RFX3: variants seen among roughly 807,000 people sequenced by gnomAD.
RFX3 encodes the protein regulatory factor X3.
Under a neutral mutation model 98.6 loss-of-function variants are expected in RFX3, and 14 were observed. The ratio of observed to expected loss-of-function variants is 0.14; its 90% CI spans 0.09 to 0.22. The LOEUF is 0.22. Ranked by LOEUF, RFX3 falls within the 10% of genes least tolerant of loss-of-function variation. The probability of loss-of-function intolerance (pLI) is 1.00; values close to 1 mark genes in which losing one functional copy is unlikely to be tolerated. For synonymous variants in RFX3, 383 were observed against 328.4 expected (o/e 1.17, Z -1.80); for missense variants, 639 against 926.9 (o/e 0.69, Z 4.03).
At chr9:3,321,524 G>A (rs1831320507) in intron 4 of RFX3, among the ~76,000 whole-genome samples, 1 of 152,088 alleles carries the variant, frequency 6.6e-6, no homozygotes, top group Non-Finnish European at 1.5e-5. Flanking sequence ...TCATTGGACT[G>A]CCTGTTCTTG....
chr9:3,471,408 G>T (rs986329410), intron 1 of RFX3, among the ~76,000 whole-genome samples: 1 of 152,162 alleles, frequency 6.6e-6, no homozygotes, highest in African/African-American at 2.4e-5. Flanking sequence ...TCAAACAGAG[G>T]TCTCCTAATT....
chr9:3,322,345 T>C (rs1271536092), intron 4 of RFX3, among the ~76,000 whole-genome samples: 1 of 152,190 alleles, frequency 6.6e-6, no homozygotes, highest in Non-Finnish European at 1.5e-5. Flanking sequence ...TATTATTAGT[T>C]TGTTGCCAGG....
In RFX3 at chr9:3,293,256, G is replaced by T; in HGVS notation, c.552C>A (p.Leu184=). ...THRSSLLNSH[L]QWLLDNYETA... is the part of the protein sequence containing the mutation. The stretch of plus-strand genomic sequence containing the variant: ...TCTCATAATTGTCCAACAGCCACTG[G>T]AGCTAGGGAAATAAGACACAATAAA... The change falls in exon 6 of 17, where the codon CTC becomes CTA. Residue 184 remains leucine, a splice_region_variant and synonymous_variant. Transcript: ENST00000617270. 1 of 1,591,848 alleles carries T rather than the reference G, an allele frequency of 6.3e-7. No homozygotes were observed.
intron 3 of RFX3, among the ~76,000 whole-genome samples, chr9:3,346,310 A>G (rs558516113): frequency 1.3e-5 from 2 of 152,318 alleles, no homozygotes; most frequent in South Asian, 4.1e-4. Flanking sequence ...AATACATCAC[A>G]TAAAAATTGA....
intron 1 of RFX3, among the ~76,000 whole-genome samples, chr9:3,472,797 T>C (rs529826135): frequency 1.3e-5 from 2 of 152,340 alleles, no homozygotes; most frequent in South Asian, 4.1e-4. Context: ...GGACCAATAC[T>C]GCTGTTTTAT....
At chr9:3,265,224 A>C (rs1238151272) in intron 12 of RFX3, among the ~76,000 whole-genome samples, 1 of 152,200 alleles carries the variant, frequency 6.6e-6, no homozygotes, top group Non-Finnish European at 1.5e-5. Context: ...ATTTCACTTA[A>C]TTTAAAATTC....
chr9:3,411,175 G>T (rs1285898513), intron 1 of RFX3, among the ~76,000 whole-genome samples: 1 of 152,110 alleles, frequency 6.6e-6, no homozygotes, highest in African/African-American at 2.4e-5. Flanking sequence ...AAACGGAAAG[G>T]TTATTTGCAT....
intron 7 of RFX3, among the ~76,000 whole-genome samples, chr9:3,287,320 C>T (rs1308055269): frequency 6.6e-6 from 1 of 151,872 alleles, no homozygotes; most frequent in Non-Finnish European, 1.5e-5. Context: ...ATTCTGCATG[C>T]TCACTTGAAA....
intron 1 of RFX3, among the ~76,000 whole-genome samples, chr9:3,451,397 T>C (rs1027860300): frequency 7.6e-4 from 115 of 152,006 alleles, no homozygotes; most frequent in African/African-American, 2.7e-3. Context: ...ATTACAAATA[T>C]TAGCAGGGCA....
chr9:3,462,442 A>T (rs1847782378), intron 1 of RFX3, among the ~76,000 whole-genome samples: 2 of 152,078 alleles, frequency 1.3e-5, no homozygotes, highest in African/African-American at 4.8e-5. Flanking sequence ...CTAACATTAT[A>T]CTTAATAGGG....
intron 6 of RFX3, among the ~76,000 whole-genome samples, chr9:3,292,767 T>C (rs1191022829): frequency 6.6e-6 from 1 of 152,180 alleles, no homozygotes. Context: ...TGTATGTGTT[T>C]GTGTGTGTTT....
chr9:3,297,869 A>T (rs1405609825), intron 5 of RFX3, among the ~76,000 whole-genome samples: 1 of 151,884 alleles, frequency 6.6e-6, no homozygotes, highest in East Asian at 1.9e-4. Context: ...GATTATTGGG[A>T]ACAATTAACA....
intron 16 of RFX3, among the ~76,000 whole-genome samples, chr9:3,226,701 G>A (rs1007265048): frequency 1.3e-5 from 2 of 152,150 alleles, no homozygotes; most frequent in African/African-American, 2.4e-5. Flanking sequence ...GGGCTACAGG[G>A]AGAGGGATAC....
At chr9:3,237,074 A>C (rs905976307) in intron 15 of RFX3, among the ~76,000 whole-genome samples, 4 of 152,200 alleles carry the variant, frequency 2.6e-5, no homozygotes, top group African/African-American at 9.6e-5. Flanking sequence ...CTTTCTCTCC[A>C]CTTCACAAGT....
chr9:3,276,145 A>G lies in RFX3; in HGVS notation c.974-533T>C, dbSNP rs575797374. ...TGTAACTAAGTTATCTCTTGCAACAAGGATCAGTATTGACTGCCGCAGCAC... is the reference window on the plus strand; with the variant it reads ...TGTAACTAAGTTATCTCTTGCAACAGGGATCAGTATTGACTGCCGCAGCAC... On this transcript the variant is annotated intron_variant, in intron 8 of 16. Coordinates refer to ENST00000617270, the MANE Select transcript of RFX3 (RefSeq NM_001282116.2). Among the ~76,000 whole-genome samples, 16 of 152,242 alleles carry G rather than the reference A, an allele frequency of 1.1e-4. No individual in the cohort carries two copies. The East Asian group carries it at 2.9e-3, about 28-fold the overall frequency.
intron 1 of RFX3, among the ~76,000 whole-genome samples, chr9:3,442,582 T>C (rs56900986): frequency 0.011 from 1,664 of 152,288 alleles, 27 homozygotes; most frequent in African/African-American, 0.038. Context: ...GTCTGAAGTA[T>C]AGCCAATAGT....
intron 1 of RFX3, among the ~76,000 whole-genome samples, chr9:3,413,545 T>C (rs942222091): frequency 1.3e-5 from 2 of 152,030 alleles, no homozygotes; most frequent in Non-Finnish European, 2.9e-5. Context: ...AACAAGACAA[T>C]ACAAAAACCT....
intron 1 of RFX3, among the ~76,000 whole-genome samples, chr9:3,466,560 C>A (rs977654773): frequency 2.0e-5 from 3 of 151,988 alleles, no homozygotes; most frequent in Non-Finnish European, 2.9e-5. Context: ...TTGCACTAAC[C>A]TAAAGTTACT....
At chr9:3,469,845 CAA>C (rs762924935) in intron 1 of RFX3, among the ~76,000 whole-genome samples, 12 of 92,186 alleles carry the variant, frequency 1.3e-4, no homozygotes, top group Admixed American at 1.2e-4. Flanking sequence ...GACTCCGTCT[CAA>C]AAAAAAAAAA....
Sources: gnomAD v4.1 joint callset for allele counts (sites outside exome capture counted in the v4.1 genomes callset) on GRCh38, gnomAD v4.1.1 for gene constraint, MANE v1.5 for transcripts, NCBI Gene and HGNC (gene_info 2026-07-23, HGNC 2026-07-21) for gene names.